Variants in LDB2 observed in about 807,000 individuals in gnomAD.
LDB2 encodes LIM domain binding 2.
A neutral mutation model predicts 44.3 loss-of-function variants in LDB2; 12 were observed. That is an observed-to-expected ratio of 0.27 (90% CI 0.17 to 0.44). The LOEUF is 0.44. Among genes scored for constraint, LDB2 ranks in the 20% least tolerant of loss-of-function variants. The pLI is 1.00. For synonymous variants in LDB2, 164 were observed against 174.8 expected, an observed-to-expected ratio of 0.94 and a Z score of 0.49; for missense variants, 344 against 473.5, an observed-to-expected ratio of 0.73 and a Z score of 2.54.
intron 2 of LDB2, among the ~76,000 whole-genome samples, chr4:16,729,394 A>G (rs2108904656): frequency 6.6e-6 from 1 of 152,314 alleles, no homozygotes; most frequent in South Asian, 2.1e-4. Context: ...GCCACGTGAA[A>G]TTCAGTCGGA....
At chr4:16,641,137 A>G (rs1735032804) in intron 2 of LDB2, among the ~76,000 whole-genome samples, 1 of 152,170 alleles carries the variant, frequency 6.6e-6, no homozygotes, top group Non-Finnish European at 1.5e-5. Context: ...GAGGAGAAGG[A>G]GAGGATATCT....
chr4:16,863,364 T>C (rs1263500349), intron 1 of LDB2, among the ~76,000 whole-genome samples: 2 of 152,194 alleles, frequency 1.3e-5, no homozygotes, highest in African/African-American at 4.8e-5. Context: ...GGGCCCCACA[T>C]TCAGGTATTT....
At chr4:16,793,592 C>T (rs999886384) in intron 1 of LDB2, among the ~76,000 whole-genome samples, 2 of 152,124 alleles carry the variant, frequency 1.3e-5, no homozygotes, top group Non-Finnish European at 2.9e-5. Context: ...ATACAAAAAG[C>T]AGTGTTTTGT....
chr4:16,860,229 T>A (rs1712065793), intron 1 of LDB2, among the ~76,000 whole-genome samples: 1 of 152,192 alleles, frequency 6.6e-6, no homozygotes, highest in African/African-American at 2.4e-5. Context: ...AATGCGCAAT[T>A]TATCTGCACT....
chr4:16,820,169 A>T (rs572336024), intron 1 of LDB2, among the ~76,000 whole-genome samples: 15 of 152,362 alleles, frequency 9.8e-5, no homozygotes, highest in African/African-American at 3.6e-4. Flanking sequence ...AAAAATTTAG[A>T]AATGATGTGA....
At chr4:16,770,675 G>T (rs759541775) in intron 1 of LDB2, among the ~76,000 whole-genome samples, 1 of 152,056 alleles carries the variant, frequency 6.6e-6, no homozygotes, top group South Asian at 2.1e-4. Context: ...AGCTTTACTC[G>T]CTGCCTGTTG....
intron 2 of LDB2, among the ~76,000 whole-genome samples, chr4:16,612,503 G>A (rs1725949619): frequency 6.6e-6 from 1 of 151,954 alleles, no homozygotes; most frequent in African/African-American, 2.4e-5. Flanking sequence ...GAATCAAATA[G>A]ACACGGTAAA....
intron 2 of LDB2, among the ~76,000 whole-genome samples, chr4:16,671,988 C>T (rs1422836012): frequency 6.6e-6 from 1 of 152,234 alleles, no homozygotes; most frequent in Non-Finnish European, 1.5e-5. Flanking sequence ...ATTTCCAGAG[C>T]TGCCTCCTGG....
chr4:16,538,072 C>A (rs1033431140), intron 5 of LDB2, among the ~76,000 whole-genome samples: 2 of 152,190 alleles, frequency 1.3e-5, no homozygotes, highest in African/African-American at 4.8e-5. Context: ...GCTGGCTTGT[C>A]AAAGTGGCTC....
rs1756512000 is a variant in LDB2, at chr4:16,714,078, C to CA, written c.235+45079dup. On this transcript the variant is annotated intron_variant, in intron 2 of 7. Transcript: ENST00000304523. Reference sequence around the variant, plus strand: ...TCTGACAAGTAGCCAGAAATAGCCACAAAAAAGTCATTGGGTGGAAACTGG... The same window carrying CA: ...TCTGACAAGTAGCCAGAAATAGCCACAAAAAAAGTCATTGGGTGGAAACTGG... 2.6e-5 allele frequency among the ~76,000 whole-genome samples: 4 copies of CA among 152,224 alleles called. No homozygotes were observed. The South Asian group carries it at 8.3e-4, about 32-fold the overall frequency.
chr4:16,833,016 C>T (rs531910462), intron 1 of LDB2, among the ~76,000 whole-genome samples: 42 of 152,122 alleles, frequency 2.8e-4, no homozygotes, highest in Middle Eastern at 3.2e-3. Flanking sequence ...AAACAAACAG[C>T]GATGAAATCC....
At chr4:16,874,228 C>G (rs1705702002) in intron 1 of LDB2, among the ~76,000 whole-genome samples, 1 of 151,836 alleles carries the variant, frequency 6.6e-6, no homozygotes, top group Admixed American at 6.6e-5. Flanking sequence ...ATAGGCAGAT[C>G]TTAAGATTCA....
At chr4:16,776,672 T>C (rs1248057933) in intron 1 of LDB2, among the ~76,000 whole-genome samples, 1 of 152,234 alleles carries the variant, frequency 6.6e-6, no homozygotes, top group East Asian at 1.9e-4. Context: ...CCCTGTATAC[T>C]AGCGGATGAC....
chr4:16,667,461 G>A (rs561292994), intron 2 of LDB2, among the ~76,000 whole-genome samples: 60 of 152,176 alleles, frequency 3.9e-4, no homozygotes, highest in Non-Finnish European at 6.8e-4. Flanking sequence ...AATTTGGCTA[G>A]TTTCTACCAG....
intron 2 of LDB2, among the ~76,000 whole-genome samples, chr4:16,728,673 T>C (rs507459): frequency 0.53 from 80,027 of 152,038 alleles, 21,402 homozygotes; most frequent in East Asian, 0.81. Flanking sequence ...CCAACTGCAA[T>C]ATGAAAATAT....
At chr4:16,551,442 G>A (rs1737623073) in intron 5 of LDB2, among the ~76,000 whole-genome samples, 1 of 151,994 alleles carries the variant, frequency 6.6e-6, no homozygotes, top group African/African-American at 2.4e-5. Context: ...GTAACCAAAT[G>A]GACCAACTCC....
intron 1 of LDB2, among the ~76,000 whole-genome samples, chr4:16,766,947 G>T (rs1456179564): frequency 6.6e-6 from 1 of 152,156 alleles, no homozygotes; most frequent in Non-Finnish European, 1.5e-5. Flanking sequence ...CAACAATGCT[G>T]CCATAAATGT....
At chr4:16,690,742 A>G (rs35431338) in intron 2 of LDB2, among the ~76,000 whole-genome samples, 40,098 of 151,980 alleles carry the variant, frequency 0.26, 5,660 homozygotes, top group Non-Finnish European at 0.33. Flanking sequence ...TAGAACTTCT[A>G]CCTTGAGAGC....
chr4:16,752,817 C>A (rs1280910558), intron 2 of LDB2, among the ~76,000 whole-genome samples: 1 of 150,974 alleles, frequency 6.6e-6, no homozygotes, highest in Admixed American at 6.6e-5. Flanking sequence ...TATGGAGGAG[C>A]AAAGACTCAA....
Sources: allele counts gnomAD v4.1 joint callset (sites outside exome capture counted in the v4.1 genomes callset), GRCh38; gene constraint gnomAD v4.1.1; transcripts MANE v1.5; gene names NCBI Gene and HGNC (gene_info 2026-07-23, HGNC 2026-07-21).